Variants in HDAC4 observed in about 807,000 individuals in gnomAD.
HDAC4 encodes histone deacetylase A.
HDAC4 carries 16 observed loss-of-function variants against 135.1 expected under a neutral mutation model. The observed-to-expected ratio is 0.12, with a 90% CI of 0.08 to 0.18. HDAC4 has a LOEUF of 0.18. Ranked by LOEUF, HDAC4 falls within the 10% of genes least tolerant of loss-of-function variation. HDAC4 has a pLI of 1.00. For missense variants in HDAC4, 1,143 were observed against 1,511.8 expected (o/e 0.76, Z 4.05); for synonymous variants, 685 against 653.4 (o/e 1.05, Z -0.74).
In HDAC4 at chr2:239,078,533, TA is replaced by T. The variant is rs147270163; in HGVS notation, c.2750+2561del. On this transcript the variant is annotated intron_variant, in intron 22 of 26. Transcript: ENST00000543185. ...AAGTGCTATTTTACATTAAAATCAA[TA>T]AAAAAAAAACCCTGAAACAATTTTC... Among the ~76,000 whole-genome samples the T allele has an allele frequency of 1.3e-3, 187 of 147,024 alleles. 2 individuals are homozygous for T. In the East Asian group the frequency reaches 0.026, roughly 20 times the overall value.
chr2:239,168,293 C>T (rs938810774), intron 5 of HDAC4, among the ~76,000 whole-genome samples: 2 of 152,182 alleles, frequency 1.3e-5, no homozygotes, highest in African/African-American at 2.4e-5. Context: ...CCACACTGCT[C>T]GGGCCGAGTC....
chr2:239,054,185 T>C (rs1392215090), intron 25 of HDAC4, among the ~76,000 whole-genome samples: 1 of 152,068 alleles, frequency 6.6e-6, no homozygotes, highest in Non-Finnish European at 1.5e-5. Flanking sequence ...GTGGACAGTC[T>C]CAACCATCTG....
chr2:239,117,711 A>G (rs1296072162), intron 12 of HDAC4, among the ~76,000 whole-genome samples: 5 of 152,136 alleles, frequency 3.3e-5, no homozygotes, highest in African/African-American at 1.2e-4. Context: ...CACAATCCCA[A>G]AGTCCCAGAT....
intron 25 of HDAC4, among the ~76,000 whole-genome samples, chr2:239,054,158 G>A (rs2031389027): frequency 1.3e-5 from 2 of 152,246 alleles, no homozygotes; most frequent in South Asian, 4.1e-4. Context: ...GCTGAGCTCT[G>A]GACTACCCCT....
At chr2:239,171,169 C>CAAAAAAAAAAAAAAAAAAAAAAAA (rs34204026) in intron 5 of HDAC4, among the ~76,000 whole-genome samples, 2 of 114,384 alleles carry the variant, frequency 1.7e-5, no homozygotes, top group Non-Finnish European at 1.8e-5. Context: ...ACAATCTGAC[C>CAAAAAAAAAAAAAAAAAAAAAAAA]AAAAAAAAAA....
rs75514561 is a variant in HDAC4 at position 239,126,121 on chromosome 2, C to T, written c.1533+335G>A. 9.5e-3 allele frequency among the ~76,000 whole-genome samples: 1,444 copies of T among 152,378 alleles called. 24 individuals are homozygous for T. The highest frequency in any genetic ancestry group is 0.041 in the Middle Eastern group (12 of 294). The stretch of plus-strand genomic sequence containing the variant: ...TCCATTCGCTGGCACTGATGCACCA[C>T]AGGCAGGACGTGGTCCAGTGGAACT... On this transcript the variant is annotated intron_variant, in intron 12 of 26. Transcript: ENST00000543185.
At chr2:239,105,012 G>A (rs912060992) in intron 15 of HDAC4, among the ~76,000 whole-genome samples, 3 of 152,246 alleles carry the variant, frequency 2.0e-5, no homozygotes, top group Non-Finnish European at 4.4e-5. Flanking sequence ...GCGGGACACC[G>A]CGATGGCTCA....
At chr2:239,391,457 C>T (rs1386002550) in intron 1 of HDAC4, among the ~76,000 whole-genome samples, 1 of 152,158 alleles carries the variant, frequency 6.6e-6, no homozygotes, top group Non-Finnish European at 1.5e-5. Context: ...CAGCAGGCCC[C>T]GGGCAGGGGA....
chr2:239,276,747 G>A (rs572400734), intron 2 of HDAC4, among the ~76,000 whole-genome samples: 3 of 152,336 alleles, frequency 2.0e-5, no homozygotes, highest in Admixed American at 6.5e-5. Context: ...GACAAAGGCC[G>A]GCTGCAGAGG....
At chr2:239,374,443 G>A (rs1011172384) in intron 1 of HDAC4, among the ~76,000 whole-genome samples, 4 of 122,446 alleles carry the variant, frequency 3.3e-5, no homozygotes, top group African/African-American at 6.4e-5. Context: ...TCGCTCTGTC[G>A]CCCAGGCTGG....
intron 5 of HDAC4, among the ~76,000 whole-genome samples, chr2:239,168,958 G>T (rs932079186): frequency 6.6e-6 from 1 of 152,240 alleles, no homozygotes; most frequent in Non-Finnish European, 1.5e-5. Flanking sequence ...CCAGTTAAGG[G>T]TGGACGGCGC....
chr2:239,053,148 G>A lies in HDAC4; in HGVS notation c.3231-12C>T, dbSNP rs370830768. 2.5e-4 allele frequency: 401 copies of A among 1,614,068 alleles called. 5 individuals carry two copies. The South Asian group carries it at 3.0e-3, about 12-fold the overall frequency. ...GCTCCTCATCTGGTCTGTGGATCCC[G>A]CAAGAGAAGGAGATGGGGGCGTGGG... On this transcript the variant is annotated splice_polypyrimidine_tract_variant and intron_variant, in intron 26 of 26. Coordinates refer to ENST00000543185, the MANE Select transcript of HDAC4 (RefSeq NM_001378414.1).
intron 1 of HDAC4, among the ~76,000 whole-genome samples, chr2:239,353,645 G>A (rs575946956): frequency 6.6e-6 from 1 of 152,286 alleles, no homozygotes; most frequent in South Asian, 2.1e-4. Flanking sequence ...TCATCCCCTG[G>A]TTCAAAATAT....
At chr2:239,180,549 G>GT (rs2153013162) in intron 4 of HDAC4, among the ~76,000 whole-genome samples, 1 of 152,296 alleles carries the variant, frequency 6.6e-6, no homozygotes, top group African/African-American at 2.4e-5. Flanking sequence ...GATGTTAAAC[G>GT]TAACATCAAC....
At chr2:239,138,113 T>C (rs1319821627) in intron 9 of HDAC4, among the ~76,000 whole-genome samples, 1 of 152,206 alleles carries the variant, frequency 6.6e-6, no homozygotes, top group Non-Finnish European at 1.5e-5. Context: ...GGTTGCATTA[T>C]AAGGCTTATT....
chr2:239,077,263 C>T (rs929949121), intron 22 of HDAC4, among the ~76,000 whole-genome samples: 2 of 152,246 alleles, frequency 1.3e-5, no homozygotes, highest in Non-Finnish European at 2.9e-5. Flanking sequence ...TTTGCACCAT[C>T]GGGCTCTGTT....
At chr2:239,160,828 A>C (rs974368801) in intron 6 of HDAC4, among the ~76,000 whole-genome samples, 2 of 152,164 alleles carry the variant, frequency 1.3e-5, no homozygotes, top group African/African-American at 4.8e-5. Context: ...AAATACGGAG[A>C]AGCATTGCTG....
At chr2:239,396,282 T>C (rs1266311246) in intron 1 of HDAC4, among the ~76,000 whole-genome samples, 1 of 152,014 alleles carries the variant, frequency 6.6e-6, no homozygotes, top group African/African-American at 2.4e-5. Context: ...AGCCCTATTA[T>C]ATTTTATATA....
rs531138811 is a variant in HDAC4, at chr2:239,157,130, A to G, written c.612-357T>C. 2.6e-5 allele frequency among the ~76,000 whole-genome samples: 4 copies of G among 152,320 alleles called. No homozygotes were observed. The East Asian group carries it at 5.8e-4, about 22-fold the overall frequency. The stretch of plus-strand genomic sequence containing the variant: ...CCACCACTGGCCACTCAGAGAGCCT[A>G]TCCCCGGTGGGGAGAGGAAGAGGAA... On this transcript the variant is annotated intron_variant, in intron 6 of 26. Transcript: ENST00000543185.
Sources: gnomAD v4.1 joint callset for allele counts (sites outside exome capture counted in the v4.1 genomes callset) on GRCh38, gnomAD v4.1.1 for gene constraint, MANE v1.5 for transcripts, NCBI Gene and HGNC (gene_info 2026-07-23, HGNC 2026-07-21) for gene names.